The following MED13L variants were observed in gnomAD, a reference collection of about 807,000 sequenced individuals.
MED13L encodes the protein mediator complex subunit 13L.
In MED13L, 7 loss-of-function variants were observed where a neutral mutation model predicts 220.9. The observed-to-expected ratio is 0.03, with a 90% CI of 0.02 to 0.06. The LOEUF (loss-of-function observed/expected upper bound fraction) is 0.06. MED13L is among the 10% of genes least tolerant of loss of function. The probability of loss-of-function intolerance (pLI) is 1.00; values close to 1 mark genes in which losing one functional copy is unlikely to be tolerated. For synonymous variants in MED13L, 1,011 were observed against 1,015.2 expected, an observed-to-expected ratio of 1.00 and a Z score of 0.08; for missense variants, 1,965 against 2,760.5, an observed-to-expected ratio of 0.71 and a Z score of 6.46.
intron 4 of MED13L, among the ~76,000 whole-genome samples, chr12:116,058,407 C>A (rs757652341): frequency 2.0e-5 from 3 of 151,986 alleles, no homozygotes; most frequent in Non-Finnish European, 4.4e-5. Flanking sequence ...TCTGAAGGTG[C>A]CTTTGTAATT....
At chr12:116,242,100 G>A (rs1375103606) in intron 1 of MED13L, among the ~76,000 whole-genome samples, 4 of 141,406 alleles carry the variant, frequency 2.8e-5, no homozygotes, top group African/African-American at 1.1e-4. Flanking sequence ...TGCCCAGGCT[G>A]GAGTGAAGTG....
At chr12:116,130,666 T>C (rs1027186676) in intron 2 of MED13L, among the ~76,000 whole-genome samples, 3 of 152,012 alleles carry the variant, frequency 2.0e-5, no homozygotes, top group African/African-American at 7.2e-5. Context: ...TCATTGTATC[T>C]GCCAACTTCC....
At chr12:116,276,829 C>T in intron 1 of MED13L, 2 of 1,085,690 alleles carry the variant, frequency 1.8e-6, no homozygotes, top group Non-Finnish European at 2.5e-6. Context: ...AAATTCCACG[C>T]CGAGCGCCGC....
chr12:116,048,363 C>G, intron 4 of MED13L, among the ~76,000 whole-genome samples: 1 of 152,020 alleles, frequency 6.6e-6, no homozygotes, highest in East Asian at 1.9e-4. Context: ...AGAGACTGCA[C>G]CTATCAGAGC....
chr12:116,015,387 T>C (rs1288059875), intron 7 of MED13L, 113 bp from the exon 8 acceptor site: 3 of 1,165,742 alleles, frequency 2.6e-6, no homozygotes, highest in African/African-American at 1.5e-5. Flanking sequence ...GTCATATACA[T>C]AGCTTTTTCC....
intron 4 of MED13L, among the ~76,000 whole-genome samples, chr12:116,041,837 A>AACAG (rs1007134305): frequency 1.3e-5 from 2 of 152,226 alleles, no homozygotes; most frequent in African/African-American, 4.8e-5. Context: ...TCTGTCTCAA[A>AACAG]ACAGACAGAC....
intron 4 of MED13L, among the ~76,000 whole-genome samples, chr12:116,036,967 C>G (rs1252094712): frequency 6.6e-6 from 1 of 152,104 alleles, no homozygotes; most frequent in East Asian, 1.9e-4. Flanking sequence ...CATATATCTT[C>G]TCTTTCAACT....
chr12:115,975,382 G>C (rs747953269), intron 24 of MED13L, 69 bp from the exon 25 acceptor site: 7 of 1,609,930 alleles, frequency 4.3e-6, no homozygotes, highest in Non-Finnish European at 5.1e-6. Flanking sequence ...TCACTTATAA[G>C]ACAAACACTA....
rs12368942 is a variant in MED13L, at chr12:116,113,298, C to T, written c.311-1786G>A. ...TTTTCTTCCACTGGTGACACCTATT[C>T]GGCACATTGTTTAAAACTTCTGATA... On this transcript the variant is annotated intron_variant, in intron 2 of 30. Transcript: ENST00000281928. 2.6e-3 allele frequency among the ~76,000 whole-genome samples: 400 copies of T among 151,944 alleles called. 2 individuals carry two copies. Among genetic ancestry groups the T allele is most frequent in the African/African-American group, 9.2e-3 (383 of 41,454 alleles).
chr12:116,274,193 T>C (rs1873622075), intron 1 of MED13L, among the ~76,000 whole-genome samples: 1 of 152,148 alleles, frequency 6.6e-6, no homozygotes, highest in East Asian at 1.9e-4. Flanking sequence ...TTTAAGAAAT[T>C]TGATTCCGTG....
intron 2 of MED13L, among the ~76,000 whole-genome samples, chr12:116,132,279 CAAA>C (rs1005783459): frequency 4.3e-4 from 33 of 77,420 alleles, no homozygotes; most frequent in African/African-American, 1.2e-3. Context: ...TACTTCGTCT[CAAA>C]AAAAAAAAAA....
intron 13 of MED13L, among the ~76,000 whole-genome samples, chr12:116,003,864 C>G (rs1174017380): frequency 6.6e-6 from 1 of 152,080 alleles, no homozygotes; most frequent in Non-Finnish European, 1.5e-5. Context: ...ACTCCATTTA[C>G]GAGTAGTAAG....
chr12:116,060,291 A>C (rs1220984839), intron 4 of MED13L, among the ~76,000 whole-genome samples: 1 of 152,198 alleles, frequency 6.6e-6, no homozygotes. Context: ...AAATTCACAA[A>C]AACAGGCCGG....
intron 9 of MED13L, among the ~76,000 whole-genome samples, chr12:116,010,077 G>A (rs1399858417): frequency 2.6e-5 from 4 of 152,144 alleles, no homozygotes; most frequent in Non-Finnish European, 5.9e-5. Flanking sequence ...ACGGATTTGT[G>A]GGGCATAATG....
intron 1 of MED13L, among the ~76,000 whole-genome samples, chr12:116,247,589 C>T (rs1222037429): frequency 2.0e-5 from 3 of 151,300 alleles, no homozygotes; most frequent in African/African-American, 7.3e-5. Context: ...GGGCTGCTGA[C>T]GAGACACTGG....
chr12:116,074,882 G>A (rs1368148876), intron 4 of MED13L, among the ~76,000 whole-genome samples: 1 of 152,258 alleles, frequency 6.6e-6, no homozygotes, highest in Non-Finnish European at 1.5e-5. Context: ...AATGTGTAAG[G>A]ATGGAAACCA....
chr12:116,152,635 GA>G (rs1486444599), intron 2 of MED13L, among the ~76,000 whole-genome samples: 1 of 152,084 alleles, frequency 6.6e-6, no homozygotes, highest in Non-Finnish European at 1.5e-5. Flanking sequence ...GCGTGGGGGG[GA>G]AAGCAACCAA....
At chr12:116,007,259 TCAATA>T (rs1440466339) in intron 11 of MED13L, 147 bp downstream of exon 11, 1 of 744,056 alleles carries the variant, frequency 1.3e-6, no homozygotes, top group African/African-American at 1.7e-5. Context: ...AATACGCTGT[TCAATA>T]CAATAGTACC....
intron 2 of MED13L, among the ~76,000 whole-genome samples, chr12:116,140,433 T>C (rs765168247): frequency 5.3e-5 from 8 of 152,200 alleles, no homozygotes; most frequent in African/African-American, 9.7e-5. Flanking sequence ...GCAGTATTTT[T>C]AGAGCTCTAG....
Sources: allele counts gnomAD v4.1 joint callset (sites outside exome capture counted in the v4.1 genomes callset), GRCh38; gene constraint gnomAD v4.1.1; transcripts MANE v1.5; gene names NCBI Gene and HGNC (gene_info 2026-07-23, HGNC 2026-07-21).